RYR2: variants seen among roughly 807,000 people sequenced by gnomAD.
RYR2 encodes the protein ryanodine receptor 2.
In RYR2, 227 loss-of-function variants were observed where a neutral mutation model predicts 601.1. The ratio of observed to expected loss-of-function variants is 0.38; its 90% confidence interval spans 0.34 to 0.42. The LOEUF is 0.42. Ranked by LOEUF, RYR2 falls within the 10% of genes least tolerant of loss-of-function variation. RYR2 has a pLI of 1.00. For missense variants in RYR2, 4,646 were observed against 6,156.5 expected (o/e 0.75, Z 8.21); for synonymous variants, 2,223 against 2,175.1 (o/e 1.02, Z -0.61).
chr1:237,523,266 CA>C (rs1234200885), intron 24 of RYR2, among the ~76,000 whole-genome samples: 1 of 152,046 alleles, frequency 6.6e-6, no homozygotes, highest in African/African-American at 2.4e-5. Flanking sequence ...CAAAAGAAGC[CA>C]TTAAGAAAAT....
At position 237,614,485 on chromosome 1, in the gene RYR2, T is replaced by C. The variant is rs757626632; in HGVS notation, c.5357T>C (p.Ile1786Thr). 6.2e-7 allele frequency: 1 copy of C among 1,614,042 alleles called. No homozygotes were observed. Among genetic ancestry groups the C allele is most frequent in the Non-Finnish European group, 8.5e-7 (1 of 1,179,902 alleles). The change falls in exon 37 of 105, where the codon ATC (isoleucine) becomes ACC (threonine). Residue 1786 changes from isoleucine (I) to threonine (T), a missense_variant. By Grantham distance (89) the Ile-to-Thr change is moderately conservative. This residue lies in a region of RYR2 where 1,807 missense variants were observed against 2,088.1 expected (regional missense o/e 0.87). Coordinates refer to ENST00000366574, the MANE Select transcript of RYR2 (RefSeq NM_001035.3). The surrounding 1 kb of genome is among the most constrained non-coding windows in gnomAD (Gnocchi z 4.3). ...TACAGTCCAGAGTTCCCACTGGACA[T>C]CCTCAAGTCCAAAACCATACAGATG... ...YQYSPEFPLD[I>T]LKSKTIQMLT... is the part of the protein sequence containing the mutation.
At chr1:237,385,783 A>G (rs1026811369) in intron 8 of RYR2, among the ~76,000 whole-genome samples, 5 of 152,184 alleles carry the variant, frequency 3.3e-5, no homozygotes, top group African/African-American at 1.2e-4. Context: ...CTTTGATTTT[A>G]TGATTTTTGT....
At chr1:237,623,238 G>C (rs867516344) in intron 38 of RYR2, among the ~76,000 whole-genome samples, 17 of 152,206 alleles carry the variant, frequency 1.1e-4, no homozygotes, top group Middle Eastern at 6.8e-3. Context: ...TTAAGCTATG[G>C]ATGATTTGAT....
chr1:237,687,384 T>A (rs560632507), intron 62 of RYR2, 71 bp from the exon 63 acceptor site: 15 of 662,162 alleles, frequency 2.3e-5, no homozygotes, highest in Admixed American at 1.4e-4. Context: ...TTTTTTTTTT[T>A]AATTTCCCCC....
intron 3 of RYR2, among the ~76,000 whole-genome samples, chr1:237,344,800 CT>C (rs1698149891): frequency 6.6e-6 from 1 of 151,946 alleles, no homozygotes; most frequent in South Asian, 2.1e-4. Context: ...TATAGTAAGT[CT>C]TTTTTATTTA....
chr1:237,758,208 C>T (rs774786862), intron 82 of RYR2, among the ~76,000 whole-genome samples: 3 of 152,102 alleles, frequency 2.0e-5, no homozygotes, highest in African/African-American at 4.8e-5. Context: ...ATGTCTCCTG[C>T]TTATGTTTTA....
intron 79 of RYR2, among the ~76,000 whole-genome samples, chr1:237,741,633 A>G (rs1691616661): frequency 6.6e-6 from 1 of 152,106 alleles, no homozygotes; most frequent in African/African-American, 2.4e-5. Flanking sequence ...ATGGAGGCTC[A>G]TTCTGTCACC....
chr1:237,105,772 T>C (rs1255897146), intron 1 of RYR2, among the ~76,000 whole-genome samples: 1 of 145,228 alleles, frequency 6.9e-6, no homozygotes, highest in Non-Finnish European at 1.5e-5. Context: ...AGGTGGGAGG[T>C]TGCAGTGAGC....
chr1:237,304,150 T>A (rs1047270737), intron 2 of RYR2, among the ~76,000 whole-genome samples: 4 of 152,192 alleles, frequency 2.6e-5, no homozygotes, highest in Non-Finnish European at 5.9e-5. Flanking sequence ...GTTGACTACA[T>A]GGATGAGTCA....
chr1:237,049,510 T>C (rs913358718), intron 1 of RYR2, among the ~76,000 whole-genome samples: 5 of 152,176 alleles, frequency 3.3e-5, no homozygotes, highest in East Asian at 1.9e-4. Flanking sequence ...TCCATTGTCA[T>C]GTTCGTAGTC....
intron 102 of RYR2, chr1:237,830,283 T>G: frequency 2.6e-6 from 1 of 377,592 alleles, no homozygotes; most frequent in Non-Finnish European, 5.0e-6. Context: ...GCCATCATCA[T>G]CATCATCTTG....
intron 1 of RYR2, among the ~76,000 whole-genome samples, chr1:237,181,006 CAG>C (rs1224807862): frequency 4.6e-5 from 7 of 151,748 alleles, no homozygotes; most frequent in African/African-American, 1.5e-4. Context: ...TTTTTTAAGA[CAG>C]AGCCTCACTC....
chr1:237,106,349 C>T lies in RYR2; in HGVS notation c.48+63780C>T, dbSNP rs1465010390. Among the ~76,000 whole-genome samples the T allele has an allele frequency of 6.6e-6, 1 of 152,010 alleles. No individual in the cohort carries two copies. The highest frequency in any genetic ancestry group is 1.5e-5 in the Non-Finnish European group (1 of 68,010). On this transcript the variant is annotated intron_variant, in intron 1 of 104. Transcript: ENST00000366574. The surrounding 1 kb of genome is among the most constrained non-coding windows in gnomAD (Gnocchi z 4.4). Reference sequence around the variant, plus strand: ...ACGGTGGCAGCAGGGGGAGGTGGCACCGAGCAGCAGGACCCTGGATATTTT... The same window carrying T: ...ACGGTGGCAGCAGGGGGAGGTGGCATCGAGCAGCAGGACCCTGGATATTTT...
chr1:237,302,727 A>G (rs1000147891), intron 2 of RYR2, among the ~76,000 whole-genome samples: 2 of 152,246 alleles, frequency 1.3e-5, no homozygotes, highest in African/African-American at 4.8e-5. Context: ...TCCCAGCTCT[A>G]TCATTTATGT....
intron 1 of RYR2, among the ~76,000 whole-genome samples, chr1:237,158,417 G>A (rs559808889): frequency 2.0e-4 from 30 of 152,248 alleles, no homozygotes; most frequent in Admixed American, 1.2e-3. Flanking sequence ...AAAAAATATC[G>A]TGTTCACTTT....
intron 29 of RYR2, among the ~76,000 whole-genome samples, chr1:237,574,298 T>C (rs1673006971): frequency 6.6e-6 from 1 of 152,176 alleles, no homozygotes; most frequent in Non-Finnish European, 1.5e-5. Flanking sequence ...TTCTCACCAT[T>C]GGACTGATAA....
In RYR2 at chr1:237,482,353, C is replaced by T. The variant is rs370811131; in HGVS notation, c.1709-9453C>T. On this transcript the variant is annotated intron_variant, in intron 17 of 104. Coordinates refer to ENST00000366574, the MANE Select transcript of RYR2 (RefSeq NM_001035.3). ...CATCCCTACATTCCTCTAGAGCCCC[C>T]CACTACCCTTCCCAGCCTCTGGTAA... 2.5e-4 allele frequency among the ~76,000 whole-genome samples: 38 copies of T among 152,216 alleles called. No homozygotes were observed. The East Asian group carries it at 5.6e-3, about 22-fold the overall frequency.
In RYR2 at chr1:237,231,286, T is replaced by A. The variant is rs141992690; in HGVS notation, c.49-39211T>A. Among the ~76,000 whole-genome samples the A allele has an allele frequency of 7.8e-3, 1,189 of 152,082 alleles. 15 individuals are homozygous for A. The highest frequency in any genetic ancestry group is 0.024 in the African/African-American group (995 of 41,486). On this transcript the variant is annotated intron_variant, in intron 1 of 104. Transcript: ENST00000366574. Reference sequence around the variant, plus strand: ...TAGTTCTTTTCATTCTTTCTTTTTTTAAATAGAGATAGTGTCTTTTTTTCT... The same window carrying A: ...TAGTTCTTTTCATTCTTTCTTTTTTAAAATAGAGATAGTGTCTTTTTTTCT...
In RYR2 at chr1:237,674,208, T is replaced by C. The variant is rs781614042; in HGVS notation, c.8703T>C (p.Tyr2901=). ...TCAAGTTCTTGCAGATCAATGGATATGCTGTATCCAGGTAAAAGTACACAT... is the reference window on the plus strand; with the variant it reads ...TCAAGTTCTTGCAGATCAATGGATACGCTGTATCCAGGTAAAAGTACACAT... ...DILKFLQING[Y]AVSRGFKDLE... The change falls in exon 59 of 105, where the codon TAT becomes TAC. Residue 2901 remains tyrosine, a synonymous_variant. Coordinates refer to ENST00000366574, the MANE Select transcript of RYR2 (RefSeq NM_001035.3). 6.2e-7 allele frequency: 1 copy of C among 1,610,716 alleles called. No homozygotes were observed. The highest frequency in any genetic ancestry group is 2.2e-5 in the East Asian group (1 of 44,814).
Sources: gnomAD v4.1 joint callset for allele counts (sites outside exome capture counted in the v4.1 genomes callset) on GRCh38, gnomAD v4.1.1 for gene constraint, gnomAD v4.1.1 regional missense constraint, Gnocchi (gnomAD v3.1) non-coding constraint, MANE v1.5 for transcripts, NCBI Gene and HGNC (gene_info 2026-07-23, HGNC 2026-07-21) for gene names.